THSD7B: variants seen among roughly 807,000 people sequenced by gnomAD.
THSD7B encodes thrombospondin type 1 domain containing 7B.
THSD7B carries 138 observed loss-of-function variants against 213.6 expected under a neutral mutation model. That is an observed-to-expected ratio of 0.65 (90% confidence interval 0.56 to 0.74). THSD7B has a LOEUF of 0.74. Ranked by LOEUF, THSD7B falls within the 30% of genes least tolerant of loss-of-function variation. THSD7B has a pLI of 0.00. For synonymous variants in THSD7B, 742 were observed against 687.0 expected, an observed-to-expected ratio of 1.08 and a Z score of -1.25; for missense variants, 1,931 against 1,991.5, an observed-to-expected ratio of 0.97 and a Z score of 0.58.
chr2:137,075,029 C>T (rs1055630061), intron 3 of THSD7B, among the ~76,000 whole-genome samples: 7 of 152,166 alleles, frequency 4.6e-5, no homozygotes, highest in African/African-American at 1.7e-4. Flanking sequence ...TTTTTTCCTT[C>T]ATTTCAACTT....
intron 12 of THSD7B, among the ~76,000 whole-genome samples, chr2:137,379,384 G>T (rs1685726776): frequency 6.6e-6 from 1 of 152,132 alleles, no homozygotes; most frequent in Non-Finnish European, 1.5e-5. Context: ...TGGTTTTATT[G>T]TTTAATTCAA....
At chr2:137,191,892 G>T (rs1573877280) in intron 7 of THSD7B, among the ~76,000 whole-genome samples, 1 of 152,024 alleles carries the variant, frequency 6.6e-6, no homozygotes, top group Non-Finnish European at 1.5e-5. Flanking sequence ...TGGCTTCATT[G>T]TATCACAAAG....
rs531618212 is a variant in THSD7B at position 137,085,163 on chromosome 2, A to G, written c.951-9710A>G. Among the ~76,000 whole-genome samples, 97 of 152,348 alleles carry G rather than the reference A, an allele frequency of 6.4e-4. 2 individuals are homozygous for G. The highest frequency in any genetic ancestry group is 1.8e-3 in the African/African-American group (74 of 41,584). ...AAGGCAAGCTAAAAAGTAAAGACTT[A>G]TGGATACTGGCATTTGTGGAACACA... On this transcript the variant is annotated intron_variant, in intron 3 of 27. Coordinates refer to ENST00000409968, the MANE Select transcript of THSD7B (RefSeq NM_001316349.2).
chr2:137,667,351 G>A (rs1182421738), intron 26 of THSD7B, among the ~76,000 whole-genome samples: 1 of 152,022 alleles, frequency 6.6e-6, no homozygotes. Flanking sequence ...GAATTCAGAA[G>A]AAAAGTAAAA....
rs1255397549 is a variant in THSD7B at position 137,102,257 on chromosome 2, GTGGA to G, written c.1199+7137_1199+7140del. Reference sequence around the variant, plus strand: ...GATACCCAGGCAAACAGAGCCTGAAGTGGACCTCCAGCAGACTCCAGCAGACCTG... The same window carrying G: ...GATACCCAGGCAAACAGAGCCTGAAGCCTCCAGCAGACTCCAGCAGACCTG... On this transcript the variant is annotated intron_variant, in intron 4 of 27. Transcript: ENST00000409968. 3.4e-3 allele frequency among the ~76,000 whole-genome samples: 519 copies of G among 152,354 alleles called. 3 individuals carry two copies. Among genetic ancestry groups the G allele is most frequent in the African/African-American group, 0.011 (440 of 41,578 alleles).
At chr2:137,378,036 A>C (rs1224858518) in intron 12 of THSD7B, among the ~76,000 whole-genome samples, 1 of 152,202 alleles carries the variant, frequency 6.6e-6, no homozygotes, top group African/African-American at 2.4e-5. Flanking sequence ...ACACCTTAGC[A>C]GTCATTCCCC....
At chr2:137,481,005 C>T (rs575687162) in intron 15 of THSD7B, among the ~76,000 whole-genome samples, 11 of 152,226 alleles carry the variant, frequency 7.2e-5, no homozygotes, top group South Asian at 6.2e-4. Context: ...GTGAGTTCAC[C>T]CTTTTGTCTT....
At chr2:137,444,247 G>T (rs1039364938) in intron 14 of THSD7B, among the ~76,000 whole-genome samples, 1 of 151,904 alleles carries the variant, frequency 6.6e-6, no homozygotes, top group Non-Finnish European at 1.5e-5. Context: ...ATTCACCAAG[G>T]CAAGCTGGTA....
intron 7 of THSD7B, among the ~76,000 whole-genome samples, chr2:137,173,857 A>G (rs1352492234): frequency 6.6e-6 from 1 of 152,168 alleles, no homozygotes; most frequent in Admixed American, 6.5e-5. Context: ...GGTTTTTTCC[A>G]TAACTACAGG....
intron 1 of THSD7B, among the ~76,000 whole-genome samples, chr2:136,872,215 C>G (rs1683440335): frequency 6.6e-6 from 1 of 152,144 alleles, no homozygotes; most frequent in Non-Finnish European, 1.5e-5. Context: ...CAGACAGTGG[C>G]TGCAGCTCTG....
intron 17 of THSD7B, among the ~76,000 whole-genome samples, chr2:137,587,463 G>T (rs983975689): frequency 1.9e-4 from 29 of 152,210 alleles, no homozygotes; most frequent in Admixed American, 1.3e-3. Flanking sequence ...CCATCTTTGT[G>T]GTTTTATCTA....
chr2:137,040,470 T>C (rs758517380), intron 2 of THSD7B, among the ~76,000 whole-genome samples: 1 of 151,824 alleles, frequency 6.6e-6, no homozygotes, highest in Non-Finnish European at 1.5e-5. Flanking sequence ...CTTGGCTCAC[T>C]GCAGCCTCTG....
chr2:137,622,986 G>A (rs1385398415), intron 20 of THSD7B, among the ~76,000 whole-genome samples: 1 of 152,154 alleles, frequency 6.6e-6, no homozygotes, highest in Admixed American at 6.6e-5. Flanking sequence ...TATGAGGCCA[G>A]CATCATCCTG....
At chr2:137,546,471 TATATATAATATATATA>T (rs1680738930) in intron 15 of THSD7B, among the ~76,000 whole-genome samples, 1 of 54,272 alleles carries the variant, frequency 1.8e-5, no homozygotes, top group African/African-American at 9.1e-5. Flanking sequence ...ATAATATATA[TATATATAATATATATA>T]TATATATATT....
intron 1 of THSD7B, among the ~76,000 whole-genome samples, chr2:136,875,201 C>G (rs1333759493): frequency 1.3e-5 from 2 of 152,192 alleles, no homozygotes; most frequent in East Asian, 3.8e-4. Context: ...GCAGGCTGAT[C>G]ACCTGAGGCC....
chr2:137,399,930 C>G (rs985005422), intron 12 of THSD7B, among the ~76,000 whole-genome samples: 2 of 152,072 alleles, frequency 1.3e-5, no homozygotes, highest in Non-Finnish European at 2.9e-5. Flanking sequence ...TAGATTATTT[C>G]AAATGATGTG....
At chr2:136,868,601 G>A (rs899440037) in intron 1 of THSD7B, among the ~76,000 whole-genome samples, 3 of 152,054 alleles carry the variant, frequency 2.0e-5, no homozygotes, top group Non-Finnish European at 4.4e-5. Flanking sequence ...ATCTTACATC[G>A]CAGAAAATGT....
intron 15 of THSD7B, among the ~76,000 whole-genome samples, chr2:137,536,048 G>A (rs1276895910): frequency 6.7e-6 from 1 of 150,188 alleles, no homozygotes; most frequent in African/African-American, 2.4e-5. Flanking sequence ...ACGGGTATGT[G>A]AGTCACTCTC....
At chr2:137,635,645 AG>A (rs1265544942) in intron 20 of THSD7B, among the ~76,000 whole-genome samples, 1 of 152,152 alleles carries the variant, frequency 6.6e-6, no homozygotes, top group Non-Finnish European at 1.5e-5. Flanking sequence ...TTGATATGAG[AG>A]TATTTGTTAA....
Sources: gnomAD v4.1 joint callset for allele counts (sites outside exome capture counted in the v4.1 genomes callset) on GRCh38, gnomAD v4.1.1 for gene constraint, MANE v1.5 for transcripts, NCBI Gene and HGNC (gene_info 2026-07-23, HGNC 2026-07-21) for gene names.